The following SMYD3 variants were observed in gnomAD, a reference collection of about 807,000 sequenced individuals.
SMYD3 encodes SET and MYND domain containing 3, also known as histone-lysine N-methyltransferase SMYD3.
In SMYD3, 36 loss-of-function variants were observed where a neutral mutation model predicts 57.7. That is an observed-to-expected ratio of 0.62 (90% CI 0.48 to 0.82). The LOEUF (loss-of-function observed/expected upper bound fraction) is 0.82, where lower values mean the gene tolerates loss of function less well. Among genes scored for constraint, SMYD3 ranks in the 40% least tolerant of loss-of-function variants. The pLI, the probability that SMYD3 is intolerant of heterozygous loss-of-function variation, is 0.00. For synonymous variants in SMYD3, 211 were observed against 195.0 expected (o/e 1.08, Z -0.68); for missense variants, 515 against 538.8 (o/e 0.96, Z 0.44).
chr1:246,435,135 G>A lies in SMYD3; in HGVS notation c.164+71919C>T, dbSNP rs79129693. On this transcript the variant is annotated intron_variant, in intron 1 of 11. Transcript: ENST00000490107. ...CACTGGTACTGCTGGACATAAAGAC[G>A]GCAACAATAGACACTGGTGACTATT... Among the ~76,000 whole-genome samples the A allele has an allele frequency of 2.5e-3, 386 of 152,156 alleles. 2 individuals carry two copies. Among genetic ancestry groups the A allele is most frequent in the African/African-American group, 8.6e-3 (359 of 41,542 alleles).
intron 5 of SMYD3, among the ~76,000 whole-genome samples, chr1:246,311,882 C>T (rs1162188457): frequency 6.6e-6 from 1 of 152,118 alleles, no homozygotes; most frequent in Non-Finnish European, 1.5e-5. Flanking sequence ...AGCAACAGTG[C>T]GGCAGGCATC....
chr1:246,147,911 C>G (rs1464130547), intron 5 of SMYD3, among the ~76,000 whole-genome samples: 1 of 152,134 alleles, frequency 6.6e-6, no homozygotes, highest in Non-Finnish European at 1.5e-5. Flanking sequence ...GGAAGACCCG[C>G]CCCCCACTTC....
At chr1:245,839,483 T>C (rs753693702) in intron 10 of SMYD3, among the ~76,000 whole-genome samples, 1 of 152,160 alleles carries the variant, frequency 6.6e-6, no homozygotes, top group Non-Finnish European at 1.5e-5. Context: ...CCAGCCTTTC[T>C]AACCTTTATT....
intron 5 of SMYD3, among the ~76,000 whole-genome samples, chr1:246,074,728 G>C (rs1456294291): frequency 6.6e-6 from 1 of 152,174 alleles, no homozygotes; most frequent in African/African-American, 2.4e-5. Context: ...ATCCCAGTGA[G>C]GGCCAGAGTC....
chr1:246,459,230 CCCTT>C (rs983379883), intron 1 of SMYD3, among the ~76,000 whole-genome samples: 5 of 151,524 alleles, frequency 3.3e-5, no homozygotes, highest in Non-Finnish European at 7.4e-5. Flanking sequence ...TGACACGTCC[CCCTT>C]CACTCTCTCC....
At chr1:245,864,358 C>A (rs1325595656) in intron 8 of SMYD3, among the ~76,000 whole-genome samples, 1 of 152,196 alleles carries the variant, frequency 6.6e-6, no homozygotes, top group Non-Finnish European at 1.5e-5. Context: ...GGAAACAACT[C>A]ACACGTCTAT....
intron 5 of SMYD3, among the ~76,000 whole-genome samples, chr1:246,320,771 C>A (rs1368234953): frequency 6.6e-6 from 1 of 152,072 alleles, no homozygotes; most frequent in Admixed American, 6.6e-5. Flanking sequence ...AATCTCAAAA[C>A]AAATTCTACT....
At chr1:246,270,769 C>T (rs185791397) in intron 5 of SMYD3, among the ~76,000 whole-genome samples, 26 of 152,308 alleles carry the variant, frequency 1.7e-4, no homozygotes, top group African/African-American at 6.0e-4. Context: ...AATAGTGCTG[C>T]TATGAACACT....
chr1:246,404,086 C>T (rs1279082152), intron 1 of SMYD3, among the ~76,000 whole-genome samples: 3 of 152,210 alleles, frequency 2.0e-5, no homozygotes, highest in African/African-American at 7.2e-5. Flanking sequence ...GCCAGCATAT[C>T]ACCCTTCATT....
intron 10 of SMYD3, among the ~76,000 whole-genome samples, chr1:245,850,465 G>A (rs148493445): frequency 0.015 from 2,257 of 152,250 alleles, 30 homozygotes; most frequent in South Asian, 0.052. Context: ...GCCAAGGTGC[G>A]AGGATCACTT....
intron 5 of SMYD3, among the ~76,000 whole-genome samples, chr1:246,000,916 C>T (rs2059029319): frequency 6.6e-6 from 1 of 152,178 alleles, no homozygotes; most frequent in South Asian, 2.1e-4. Context: ...TTCTACATTC[C>T]ACATAGATCG....
intron 5 of SMYD3, among the ~76,000 whole-genome samples, chr1:246,257,721 C>T (rs934076761): frequency 1.3e-5 from 2 of 152,144 alleles, no homozygotes; most frequent in Non-Finnish European, 2.9e-5. Context: ...GGTCTGTGGG[C>T]TATGTGCTTA....
intron 5 of SMYD3, among the ~76,000 whole-genome samples, chr1:246,228,644 C>T (rs2063366350): frequency 6.6e-6 from 1 of 152,108 alleles, no homozygotes; most frequent in African/African-American, 2.4e-5. Flanking sequence ...TTTATGGTGG[C>T]TGAAGTGACA....
intron 5 of SMYD3, among the ~76,000 whole-genome samples, chr1:246,164,680 C>T (rs955987233): frequency 1.8e-4 from 28 of 152,184 alleles, no homozygotes; most frequent in Non-Finnish European, 3.4e-4. Flanking sequence ...ATACTGGATA[C>T]GTGTGCCACG....
chr1:245,930,660 G>A (rs937627119), intron 5 of SMYD3: 2 of 152,434 alleles, frequency 1.3e-5, no homozygotes, highest in African/African-American at 4.8e-5. Flanking sequence ...CCAGAATCAG[G>A]AAATCTAGAT....
chr1:245,883,619 A>T (rs1350818470), intron 8 of SMYD3, among the ~76,000 whole-genome samples: 2 of 152,158 alleles, frequency 1.3e-5, no homozygotes, highest in Non-Finnish European at 2.9e-5. Context: ...CTTTCTGACC[A>T]TTCAAGCCCC....
At chr1:245,966,415 C>T (rs1411462714) in intron 5 of SMYD3, among the ~76,000 whole-genome samples, 1 of 152,206 alleles carries the variant, frequency 6.6e-6, no homozygotes, top group African/African-American at 2.4e-5. Context: ...GAACTCCTCC[C>T]ACCTTGGCCT....
chr1:245,801,916 C>CAA (rs112887538), intron 10 of SMYD3, among the ~76,000 whole-genome samples: 105 of 144,846 alleles, frequency 7.2e-4, no homozygotes, highest in African/African-American at 2.3e-3. Flanking sequence ...ACCAAAACAC[C>CAA]AAAAAAAAAA....
At chr1:246,160,002 T>G (rs1024765909) in intron 5 of SMYD3, among the ~76,000 whole-genome samples, 15 of 152,300 alleles carry the variant, frequency 9.8e-5, no homozygotes, top group Non-Finnish European at 1.6e-4. Context: ...TGAAGTAAAC[T>G]CAGTAGGTTA....
Sources: allele counts gnomAD v4.1 joint callset (sites outside exome capture counted in the v4.1 genomes callset), GRCh38; gene constraint gnomAD v4.1.1; transcripts MANE v1.5; gene names NCBI Gene and HGNC (gene_info 2026-07-23, HGNC 2026-07-21).